The following IL1RL2 variants were observed in gnomAD, a reference collection of about 807,000 sequenced individuals.
IL1RL2 encodes interleukin-1 receptor-like 2.
Under a neutral mutation model 66.8 loss-of-function variants are expected in IL1RL2, and 68 were observed. The ratio of observed to expected loss-of-function variants is 1.02; its 90% CI spans 0.84 to 1.25. The LOEUF (loss-of-function observed/expected upper bound fraction) is 1.25. IL1RL2 is among the 50% of genes most tolerant of loss of function. IL1RL2 has a pLI of 0.00. For synonymous variants in IL1RL2, 305 were observed against 264.6 expected, an observed-to-expected ratio of 1.15 and a Z score of -1.48; for missense variants, 729 against 709.3, an observed-to-expected ratio of 1.03 and a Z score of -0.32.
At chr2:102,199,400 A>G (rs1688047189) in intron 4 of IL1RL2, among the ~76,000 whole-genome samples, 1 of 152,178 alleles carries the variant, frequency 6.6e-6, no homozygotes, top group Non-Finnish European at 1.5e-5. Context: ...TTCTGTACCC[A>G]CTGCATCTTA....
chr2:102,227,362 G>A (rs1690711367), intron 9 of IL1RL2, among the ~76,000 whole-genome samples: 2 of 152,208 alleles, frequency 1.3e-5, no homozygotes, highest in Non-Finnish European at 2.9e-5. Context: ...AAAATACACA[G>A]TACGGTTGTT....
rs187538002 is a variant in IL1RL2 at position 102,194,390 on chromosome 2, A to G, written c.489+2270A>G. Among the ~76,000 whole-genome samples the G allele has an allele frequency of 2.9e-3, 446 of 152,272 alleles. 2 individuals are homozygous for G. The highest frequency in any genetic ancestry group is 3.2e-3 in the Non-Finnish European group (219 of 68,022). ...TCATTTCCAACTTCTGGGTCTTAGA[A>G]TCAAAGCTGGTATGAACACTTTCCT... On this transcript the variant is annotated intron_variant, in intron 4 of 11. Transcript: ENST00000264257.
downstream of IL1RL2, among the ~76,000 whole-genome samples, chr2:102,240,740 C>G (rs1675208473): frequency 6.6e-6 from 1 of 152,208 alleles, no homozygotes. Flanking sequence ...AAGGCTTTAT[C>G]AAGAACTTAT....
At chr2:102,196,407 G>T (rs887237736) in intron 4 of IL1RL2, among the ~76,000 whole-genome samples, 1 of 152,152 alleles carries the variant, frequency 6.6e-6, no homozygotes, top group African/African-American at 2.4e-5. Context: ...CCACTACCAT[G>T]TGCTCAGACC....
intron 2 of IL1RL2, among the ~76,000 whole-genome samples, chr2:102,188,135 G>T (rs114815603): frequency 0.015 from 2,335 of 152,322 alleles, 30 homozygotes; most frequent in East Asian, 0.061. Flanking sequence ...GCTTGGAGGT[G>T]ACTTCGGGGA....
rs750494833 is a variant in IL1RL2 at position 102,189,072 on chromosome 2, C to T, written c.59-4C>T. On this transcript the variant is annotated splice_region_variant and splice_polypyrimidine_tract_variant and intron_variant, in intron 2 of 11. Transcript: ENST00000264257. ...ATTGTTTTGTTTTGTTTTTCTTTCC[C>T]TAGATGGATGCAAGGACATTTTTAT... 15 of 1,607,540 alleles carry T rather than the reference C, an allele frequency of 9.3e-6. No homozygotes were observed. Among genetic ancestry groups the T allele is most frequent in the Non-Finnish European group, 1.2e-5 (14 of 1,174,948 alleles).
intron 4 of IL1RL2, among the ~76,000 whole-genome samples, chr2:102,197,711 C>T (rs555757105): frequency 2.8e-4 from 43 of 152,186 alleles, no homozygotes; most frequent in Non-Finnish European, 3.4e-4. Flanking sequence ...CCTGGAGACA[C>T]GGAAATTTCT....
At chr2:102,231,907 G>A (rs1691172337) in intron 9 of IL1RL2, among the ~76,000 whole-genome samples, 1 of 152,224 alleles carries the variant, frequency 6.6e-6, no homozygotes, top group African/African-American at 2.4e-5. Flanking sequence ...TCAAGAGGGA[G>A]TCATCCAGTT....
At chr2:102,221,174 T>C (rs1690094570) in intron 8 of IL1RL2, among the ~76,000 whole-genome samples, 1 of 152,214 alleles carries the variant, frequency 6.6e-6, no homozygotes, top group Non-Finnish European at 1.5e-5. Context: ...GGCTTTTCTT[T>C]GTCATAAAGC....
chr2:102,212,012 C>T, intron 5 of IL1RL2, 88 bp from the exon 6 acceptor site: 2 of 858,196 alleles, frequency 2.3e-6, no homozygotes, highest in Non-Finnish European at 1.9e-6. Flanking sequence ...ATGGTCTGCT[C>T]TGTTGGGCTT....
At position 102,235,258 on chromosome 2, in the gene IL1RL2, A is replaced by G. The variant is rs757503932; in HGVS notation, c.1659A>G (p.Thr553=). The G allele has an allele frequency of 1.2e-6, 2 of 1,613,418 alleles. No homozygotes were observed. Among genetic ancestry groups the G allele is most frequent in the Non-Finnish European group, 1.7e-6 (2 of 1,179,860 alleles). Residue 553 remains threonine (T), a synonymous_variant, in exon 11 of 12, where the codon ACA becomes ACG. Coordinates refer to ENST00000264257, the MANE Select transcript of IL1RL2 (RefSeq NM_003854.4). ...CTCCGGTCCAGCTGCTGCAGCACACACCTTGCTACCGCACCGCAGGTGAGC... is the reference window on the plus strand; with the variant it reads ...CTCCGGTCCAGCTGCTGCAGCACACGCCTTGCTACCGCACCGCAGGTGAGC... The part of the protein sequence containing the change: ...PFPPVQLLQH[T]PCYRTAGPEL...
Position 102,239,789 on chromosome 2 carries a change from G to T in IL1RL2, c.*548G>T, listed in dbSNP as rs569648870. ...TGGGTGAGATCTTGGGGGATCACCT[G>T]TCATGGTGGGTGAGAGCTGGGGGGA... is the stretch of plus-strand genomic sequence containing the variant. On this transcript the variant is annotated 3_prime_UTR_variant, in exon 12 of 12. Transcript: ENST00000264257. 8 of 161,296 alleles carry T rather than the reference G, an allele frequency of 5.0e-5. No homozygotes were observed. The highest frequency in any genetic ancestry group is 1.7e-4 in the East Asian group (1 of 5,810). 10.0% of individuals were successfully genotyped at this position (161,296 alleles called of 1,614,324 possible). A position where few individuals can be genotyped will look rare whatever the true frequency, so the allele number is the denominator to read the frequency against.
chr2:102,189,290 A>G lies in IL1RL2; in HGVS notation c.273A>G (p.Gly91=). 1.2e-6 allele frequency: 2 copies of G among 1,610,022 alleles called. No homozygotes were observed. The highest frequency in any genetic ancestry group is 1.7e-6 in the Non-Finnish European group (2 of 1,176,972). ...TCCCCATGGAATGGGGGGACTCAGGAGTCTACCAATGTGTTATAAAGTAAG... is the reference window on the plus strand; with the variant it reads ...TCCCCATGGAATGGGGGGACTCAGGGGTCTACCAATGTGTTATAAAGTAAG... The part of the protein sequence containing the change: ...LFLPMEWGDS[G]VYQCVIKGRD... Residue 91 remains glycine (G), a synonymous_variant, in exon 3 of 12, where the codon GGA becomes GGG. Coordinates refer to ENST00000264257, the MANE Select transcript of IL1RL2 (RefSeq NM_003854.4).
chr2:102,223,286 A>G (rs1477274679), intron 8 of IL1RL2, among the ~76,000 whole-genome samples: 1 of 152,070 alleles, frequency 6.6e-6, no homozygotes, highest in Non-Finnish European at 1.5e-5. Flanking sequence ...TCTCCATTTG[A>G]CTTCCTTATG....
intron 11 of IL1RL2, among the ~76,000 whole-genome samples, chr2:102,237,509 G>A (rs1674988350): frequency 6.6e-6 from 1 of 152,226 alleles, no homozygotes; most frequent in Non-Finnish European, 1.5e-5. Flanking sequence ...GGCAGCGAGT[G>A]AGGGGACAGA....
At chr2:102,231,870 G>A (rs1691168301) in intron 9 of IL1RL2, among the ~76,000 whole-genome samples, 1 of 152,196 alleles carries the variant, frequency 6.6e-6, no homozygotes. Context: ...TGGGTTTGTA[G>A]TGATGGAATT....
At chr2:102,222,440 T>C in intron 8 of IL1RL2, among the ~76,000 whole-genome samples, 1 of 152,188 alleles carries the variant, frequency 6.6e-6, no homozygotes. Flanking sequence ...AACATTTCTA[T>C]ATAATGCCAT....
intron 5 of IL1RL2, among the ~76,000 whole-genome samples, chr2:102,209,566 T>G (rs988775856): frequency 1.5e-5 from 2 of 136,490 alleles, no homozygotes; most frequent in African/African-American, 5.6e-5. Context: ...TTAGATCCTA[T>G]GTGAGTATGG....
intron 3 of IL1RL2, among the ~76,000 whole-genome samples, chr2:102,190,606 T>C (rs1687145214): frequency 6.6e-6 from 1 of 152,250 alleles, no homozygotes; most frequent in Non-Finnish European, 1.5e-5. Context: ...AATTGAGTGG[T>C]TCACAAGTGG....
Sources: gnomAD v4.1 joint callset for allele counts (sites outside exome capture counted in the v4.1 genomes callset) on GRCh38, gnomAD v4.1.1 for gene constraint, MANE v1.5 for transcripts, NCBI Gene and HGNC (gene_info 2026-07-23, HGNC 2026-07-21) for gene names.